ATP6V1H: variants seen among roughly 807,000 people sequenced by gnomAD.
The protein encoded by ATP6V1H is ATPase H+ transporting V1 subunit H.
Under a neutral mutation model 71.7 loss-of-function variants are expected in ATP6V1H, and 39 were observed. The ratio of observed to expected loss-of-function variants is 0.54; its 90% CI spans 0.42 to 0.71. The LOEUF is 0.71. Among genes scored for constraint, ATP6V1H ranks in the 30% least tolerant of loss-of-function variants. The probability of loss-of-function intolerance (pLI) is 0.00; values close to 1 mark genes in which losing one functional copy is unlikely to be tolerated. For missense variants in ATP6V1H, 509 were observed against 594.9 expected (o/e 0.86, Z 1.50); for synonymous variants, 192 against 199.3 (o/e 0.96, Z 0.31).
chr8:53,842,938 C>A (rs1318299452), intron 1 of ATP6V1H, 96 bp downstream of exon 1: 1 of 152,436 alleles, frequency 6.6e-6, no homozygotes, highest in Non-Finnish European at 1.5e-5. Context: ...GACCAAGCGG[C>A]GAGACACCAG....
At chr8:53,803,161 A>T (rs1038918564) in intron 7 of ATP6V1H, among the ~76,000 whole-genome samples, 1 of 152,128 alleles carries the variant, frequency 6.6e-6, no homozygotes, top group Non-Finnish European at 1.5e-5. Flanking sequence ...ACATGGCGAA[A>T]CTCCATCTCT....
intron 9 of ATP6V1H, among the ~76,000 whole-genome samples, chr8:53,792,403 C>T (rs1451765942): frequency 6.6e-6 from 1 of 152,202 alleles, no homozygotes; most frequent in Non-Finnish European, 1.5e-5. Context: ...TACACTCTCC[C>T]AGAATCCACA....
At chr8:53,793,230 T>C (rs143894388) in intron 9 of ATP6V1H, among the ~76,000 whole-genome samples, 129 of 152,300 alleles carry the variant, frequency 8.5e-4, no homozygotes, top group African/African-American at 3.0e-3. Context: ...AACCAAGATT[T>C]TGTAAAAATT....
At chr8:53,737,702 GTAAAAAC>G (rs1166051825) in intron 13 of ATP6V1H, among the ~76,000 whole-genome samples, 1 of 152,154 alleles carries the variant, frequency 6.6e-6, no homozygotes, top group East Asian at 1.9e-4. Flanking sequence ...TAAAATGTAA[GTAAAAAC>G]AGATGATAAA....
chr8:53,827,783 C>A (rs563673366), intron 4 of ATP6V1H, among the ~76,000 whole-genome samples: 1 of 152,138 alleles, frequency 6.6e-6, no homozygotes, highest in African/African-American at 2.4e-5. Flanking sequence ...CTTGAGTAGA[C>A]CCCAGCTTCT....
chr8:53,763,989 A>G (rs1284219425), intron 11 of ATP6V1H, among the ~76,000 whole-genome samples: 2 of 152,256 alleles, frequency 1.3e-5, no homozygotes, highest in Non-Finnish European at 2.9e-5. Context: ...CCTAAGGAGA[A>G]GTGGATAATC....
At chr8:53,811,316 T>C in intron 6 of ATP6V1H, 99 bp from the exon 7 acceptor site, 1 of 931,410 alleles carries the variant, frequency 1.1e-6, no homozygotes, top group Non-Finnish European at 1.7e-6. Flanking sequence ...CCCCTAATTC[T>C]ATGTAATAAT....
At chr8:53,770,157 CATATT>C (rs1345271274) in intron 10 of ATP6V1H, among the ~76,000 whole-genome samples, 2 of 152,096 alleles carry the variant, frequency 1.3e-5, no homozygotes, top group African/African-American at 4.8e-5. Context: ...ATAATAAACT[CATATT>C]ATACTATAAA....
chr8:53,738,990 A>G (rs1807325542), intron 13 of ATP6V1H, among the ~76,000 whole-genome samples: 4 of 152,224 alleles, frequency 2.6e-5, no homozygotes. Context: ...AACATATGAC[A>G]TTAAAGACAT....
intron 12 of ATP6V1H, among the ~76,000 whole-genome samples, chr8:53,754,126 T>C (rs1248794415): frequency 2.0e-5 from 3 of 152,168 alleles, no homozygotes; most frequent in Non-Finnish European, 4.4e-5. Context: ...CATCTGCCCA[T>C]TGCTCTTAGG....
chr8:53,715,947 G>A lies in ATP6V1H; in HGVS notation c.*17C>T. On this transcript the variant is annotated 3_prime_UTR_variant, in exon 14 of 14. Coordinates refer to ENST00000359530, the MANE Select transcript of ATP6V1H (RefSeq NM_015941.4). ...ACTGGTTCTGCATTGAGGCGGAGGG[G>A]AAGGCCAGAGGCAGGCTTAGCTTCG... The A allele has an allele frequency of 3.1e-6, 5 of 1,606,902 alleles. No individual in the cohort carries two copies. In the Middle Eastern group the frequency reaches 8.3e-4, roughly 267 times the overall value.
intron 9 of ATP6V1H, among the ~76,000 whole-genome samples, chr8:53,775,176 A>G (rs1463499135): frequency 2.0e-5 from 3 of 151,472 alleles, no homozygotes; most frequent in Admixed American, 6.6e-5. Flanking sequence ...TACGGCTCTT[A>G]AGGCGGCGCA....
chr8:53,768,906 G>C (rs888917894), intron 11 of ATP6V1H, among the ~76,000 whole-genome samples: 57 of 152,208 alleles, frequency 3.7e-4, no homozygotes, highest in African/African-American at 1.3e-3. Flanking sequence ...GGTTTAAACA[G>C]ATGAATTGTA....
intron 3 of ATP6V1H, chr8:53,832,239 T>C (rs895214651): frequency 4.6e-5 from 7 of 152,160 alleles, no homozygotes; most frequent in Admixed American, 1.3e-4. Context: ...CAGAAAAATA[T>C]CTAGAGAGGT....
Position 53,769,555 on chromosome 8 carries a change from C to T in ATP6V1H, c.1175+63G>A, listed in dbSNP as rs146672678. On this transcript the variant is annotated intron_variant, in intron 11 of 13. Transcript: ENST00000359530. ...TATCTAAAATTTAGAGTGACAAAAACGAGTGTTGGTGAGGATTTGGGATAA... is the reference window on the plus strand; with the variant it reads ...TATCTAAAATTTAGAGTGACAAAAATGAGTGTTGGTGAGGATTTGGGATAA... The T allele has an allele frequency of 4.4e-4, 643 of 1,471,692 alleles. 3 individuals are homozygous for T. In the African/African-American group the frequency reaches 8.1e-3, roughly 19 times the overall value. The allele number at this position is 1,471,692 out of a possible 1,614,324, so 91.2% of individuals were successfully genotyped here.
In ATP6V1H at chr8:53,841,703, A is replaced by C. The variant is rs1811348813; in HGVS notation, c.-13T>G. On this transcript the variant is annotated 5_prime_UTR_variant, in exon 2 of 14. Transcript: ENST00000359530. ...CCATTTTGGTCATCTAAACTTCGTA[A>C]TCTTGAATGTCTTTCAACAAATCTT... 6.2e-7 allele frequency: 1 copy of C among 1,612,022 alleles called. No individual in the cohort carries two copies. The highest frequency in any genetic ancestry group is 1.3e-5 in the African/African-American group (1 of 74,884).
intron 13 of ATP6V1H, among the ~76,000 whole-genome samples, chr8:53,716,257 A>G (rs540574079): frequency 4.3e-4 from 65 of 152,336 alleles, no homozygotes; most frequent in African/African-American, 1.5e-3. Flanking sequence ...TCATTCTCCT[A>G]TTTTTATGAA....
chr8:53,819,130 C>A (rs1810549725), intron 4 of ATP6V1H, among the ~76,000 whole-genome samples: 1 of 152,010 alleles, frequency 6.6e-6, no homozygotes. Flanking sequence ...CACTTGAGCC[C>A]AGGAGTTCGA....
intron 11 of ATP6V1H, among the ~76,000 whole-genome samples, chr8:53,765,186 G>T (rs1302810278): frequency 2.6e-5 from 4 of 151,952 alleles, no homozygotes; most frequent in Admixed American, 2.6e-4. Flanking sequence ...GGCAGATCAC[G>T]AGGTCAGGAG....
Sources: allele counts gnomAD v4.1 joint callset (sites outside exome capture counted in the v4.1 genomes callset), GRCh38; gene constraint gnomAD v4.1.1; transcripts MANE v1.5; gene names NCBI Gene and HGNC (gene_info 2026-07-23, HGNC 2026-07-21).